PRUNE2: variants seen among roughly 807,000 people sequenced by gnomAD.
PRUNE2 encodes protein prune homolog 2.
PRUNE2 carries 164 observed loss-of-function variants against 252.0 expected under a neutral mutation model. The observed-to-expected ratio is 0.65, with a 90% confidence interval of 0.57 to 0.74. The LOEUF is 0.74. Among genes scored for constraint, PRUNE2 ranks in the 30% least tolerant of loss-of-function variants. The pLI is 0.00. For missense variants in PRUNE2, 3,495 were observed against 3,711.0 expected (o/e 0.94, Z 1.51); for synonymous variants, 1,292 against 1,350.2 (o/e 0.96, Z 0.94).
In PRUNE2 at chr9:76,706,571, C is replaced by A. The variant is rs1182440146; in HGVS notation, c.5703G>T (p.Lys1901Asn). The A allele has an allele frequency of 1.2e-6, 2 of 1,613,742 alleles. No homozygotes were observed. Among genetic ancestry groups the A allele is most frequent in the African/African-American group, 2.7e-5 (2 of 74,926 alleles). Residue 1901 changes from lysine to asparagine, a missense_variant, in exon 8 of 19, where the codon AAG becomes AAT. Coordinates refer to ENST00000376718, the MANE Select transcript of PRUNE2 (RefSeq NM_015225.3). Reference protein sequence around the residue: ...HQSPFLEGNGKNSHEQLWNIQ... With the variant: ...HQSPFLEGNGNNSHEQLWNIQ... ...TGTTCCAGAGTTGCTCATGGGAGTT[C>A]TTCCCATTACCTTCCAGAAAGGGTG...
rs926873440 is a variant in PRUNE2, at chr9:76,621,684, C to CT, written c.9189-2298dup. 2.0e-3 allele frequency among the ~76,000 whole-genome samples: 297 copies of CT among 149,828 alleles called. 1 individual carries two copies. The highest frequency in any genetic ancestry group is 6.7e-3 in the African/African-American group (272 of 40,796). On this transcript the variant is annotated intron_variant, in intron 17 of 18. Transcript: ENST00000376718. Reference sequence around the variant, plus strand: ...ACTGGGAACTTGTTAGAAATGCAGACTTTTTTTTTTCTTGAGACAGGGTCT... The same window carrying CT: ...ACTGGGAACTTGTTAGAAATGCAGACTTTTTTTTTTTCTTGAGACAGGGTCT...
intron 1 of PRUNE2, chr9:76,863,130 T>G (rs1202166082): frequency 6.6e-6 from 1 of 152,234 alleles, no homozygotes; most frequent in East Asian, 1.9e-4. Context: ...TAAATAAAAC[T>G]GCAGTGAATA....
At chr9:76,622,986 AG>A (rs1833033912) in intron 17 of PRUNE2, among the ~76,000 whole-genome samples, 2 of 152,254 alleles carry the variant, frequency 1.3e-5, no homozygotes, top group South Asian at 4.1e-4. Context: ...AATGTACCAT[AG>A]GGGAAAAATG....
At chr9:76,664,893 A>C (rs2039831364) in intron 9 of PRUNE2, among the ~76,000 whole-genome samples, 1 of 152,140 alleles carries the variant, frequency 6.6e-6, no homozygotes, top group East Asian at 1.9e-4. Flanking sequence ...CTGGGCACTC[A>C]AGCTCCCAAA....
intron 6 of PRUNE2, among the ~76,000 whole-genome samples, chr9:76,731,380 T>C (rs1307983957): frequency 6.6e-6 from 1 of 150,536 alleles, no homozygotes; most frequent in Non-Finnish European, 1.5e-5. Context: ...TGGAGTGCAG[T>C]GGTAAGATGT....
At chr9:76,827,041 G>C (rs2058384561) in intron 4 of PRUNE2, among the ~76,000 whole-genome samples, 1 of 152,250 alleles carries the variant, frequency 6.6e-6, no homozygotes, top group East Asian at 1.9e-4. Flanking sequence ...CACACAAAAA[G>C]ATATGCATTG....
At chr9:76,874,717 G>A (rs1204459442) in intron 1 of PRUNE2, among the ~76,000 whole-genome samples, 1 of 152,032 alleles carries the variant, frequency 6.6e-6, no homozygotes, top group Non-Finnish European at 1.5e-5. Flanking sequence ...ATAATGCTAG[G>A]AAATACAGGC....
intron 6 of PRUNE2, among the ~76,000 whole-genome samples, chr9:76,723,536 A>G (rs1407649493): frequency 6.6e-6 from 1 of 152,202 alleles, no homozygotes; most frequent in East Asian, 1.9e-4. Flanking sequence ...GTTTCTTAAC[A>G]GAAGACCATA....
intron 1 of PRUNE2, among the ~76,000 whole-genome samples, chr9:76,886,774 A>G (rs761450749): frequency 6.6e-6 from 1 of 152,214 alleles, no homozygotes; most frequent in African/African-American, 2.4e-5. Context: ...GAGGCCAGAA[A>G]TTTAAGCCCC....
At chr9:76,865,794 CCTCT>C (rs923106273) in intron 1 of PRUNE2, among the ~76,000 whole-genome samples, 1 of 141,012 alleles carries the variant, frequency 7.1e-6, no homozygotes, top group Non-Finnish European at 1.5e-5. Flanking sequence ...CTTCTTTCTC[CCTCT>C]CTCTCCCTAC....
At chr9:76,757,290 C>T (rs927536130) in intron 6 of PRUNE2, among the ~76,000 whole-genome samples, 2 of 152,122 alleles carry the variant, frequency 1.3e-5, no homozygotes, top group Non-Finnish European at 1.5e-5. Context: ...AAACCAGCAG[C>T]GAATATTACA....
intron 1 of PRUNE2, among the ~76,000 whole-genome samples, chr9:76,860,219 G>C (rs965550118): frequency 2.6e-5 from 4 of 152,194 alleles, no homozygotes; most frequent in African/African-American, 9.7e-5. Context: ...TTACAATAGT[G>C]ATGTTATCTG....
In PRUNE2 at chr9:76,755,729, T is replaced by A. The variant is rs141996701; in HGVS notation, c.757-42008A>T. 1.6e-4 allele frequency among the ~76,000 whole-genome samples: 25 copies of A among 152,232 alleles called. No individual in the cohort carries two copies. The East Asian group carries it at 4.8e-3, about 29-fold the overall frequency. On this transcript the variant is annotated intron_variant, in intron 6 of 18. Transcript: ENST00000376718. ...TTTTTGTTTCTGTTTTGAGTCAGGG[T>A]CTCACTTTGTCACCCCAGGCTGGAG...
intron 1 of PRUNE2, among the ~76,000 whole-genome samples, chr9:76,870,120 T>G (rs573758924): frequency 3.3e-5 from 5 of 152,240 alleles, no homozygotes; most frequent in African/African-American, 1.2e-4. Context: ...ATCCAGAGAT[T>G]AACACATGAA....
At chr9:76,774,057 A>C (rs1300175015) in intron 6 of PRUNE2, among the ~76,000 whole-genome samples, 3 of 152,168 alleles carry the variant, frequency 2.0e-5, no homozygotes, top group Admixed American at 2.0e-4. Flanking sequence ...CATTTCAAAT[A>C]ATAATTAGAT....
At chr9:76,875,204 G>A (rs2061411559) in intron 1 of PRUNE2, among the ~76,000 whole-genome samples, 1 of 150,362 alleles carries the variant, frequency 6.7e-6, no homozygotes, top group Non-Finnish European at 1.5e-5. Flanking sequence ...TCAAAACTCT[G>A]CTCAAATATC....
intron 15 of PRUNE2, among the ~76,000 whole-genome samples, chr9:76,630,251 T>TA (rs1425573363): frequency 5.4e-5 from 8 of 149,218 alleles, no homozygotes; most frequent in African/African-American, 2.0e-4. Context: ...TAGTTTATTT[T>TA]AAAAATTTTT....
chr9:76,874,757 G>A (rs1297475934), intron 1 of PRUNE2, among the ~76,000 whole-genome samples: 1 of 152,152 alleles, frequency 6.6e-6, no homozygotes, highest in African/African-American at 2.4e-5. Context: ...CAGAGCATGA[G>A]AGAAAAATAA....
chr9:76,628,025 A>G (rs1835710970), intron 16 of PRUNE2, among the ~76,000 whole-genome samples: 1 of 152,092 alleles, frequency 6.6e-6, no homozygotes, highest in African/African-American at 2.4e-5. Flanking sequence ...CGAGAGGTAC[A>G]TTTTGCTATC....
Sources: gnomAD v4.1 joint callset for allele counts (sites outside exome capture counted in the v4.1 genomes callset) on GRCh38, gnomAD v4.1.1 for gene constraint, MANE v1.5 for transcripts, NCBI Gene and HGNC (gene_info 2026-07-23, HGNC 2026-07-21) for gene names.